The following TTLL8 variants were observed in gnomAD, a reference collection of about 807,000 sequenced individuals.
TTLL8 encodes the protein protein monoglycylase TTLL8.
Under a neutral mutation model 77.8 loss-of-function variants are expected in TTLL8, and 65 were observed. The ratio of observed to expected loss-of-function variants is 0.84; its 90% confidence interval spans 0.68 to 1.03. TTLL8 has a LOEUF of 1.03. TTLL8 is among the 50% of genes least tolerant of loss of function. The pLI is 0.00. For missense variants in TTLL8, 910 were observed against 1,004.5 expected (o/e 0.91, Z 1.27); for synonymous variants, 402 against 422.8 (o/e 0.95, Z 0.60).
At chr22:50,057,845 T>A (rs1033523580), upstream of TTLL8, among the ~76,000 whole-genome samples, 3 of 140,190 alleles carry the variant, frequency 2.1e-5, no homozygotes, top group African/African-American at 8.2e-5. Context: ...CAGAGGGGAG[T>A]GGACAGCTGT....
chr22:50,021,879 C>T (rs1347458653), intron 12 of TTLL8, among the ~76,000 whole-genome samples: 2 of 146,296 alleles, frequency 1.4e-5, no homozygotes, highest in Non-Finnish European at 1.5e-5. Context: ...ATGACATGCA[C>T]TTCTCCATCT....
chr22:50,054,795 T>C (rs991328804), upstream of TTLL8, among the ~76,000 whole-genome samples: 1 of 152,192 alleles, frequency 6.6e-6, no homozygotes, highest in Non-Finnish European at 1.5e-5. Flanking sequence ...CAGTCACTCA[T>C]GCCTGTAATC....
intron 8 of TTLL8, among the ~76,000 whole-genome samples, chr22:50,035,542 G>A (rs555123727): frequency 6.6e-6 from 1 of 152,292 alleles, no homozygotes; most frequent in South Asian, 2.1e-4. Context: ...CGGCTGCCAC[G>A]CCTCCTCCGT....
In TTLL8 at chr22:50,034,257, G is replaced by A. The variant is rs1220850277; in HGVS notation, c.1039+88C>T. 4 of 1,254,112 alleles carry A rather than the reference G, an allele frequency of 3.2e-6. No homozygotes were observed. The South Asian group carries it at 4.1e-5, about 13-fold the overall frequency. The allele number at this position is 1,254,112 out of a possible 1,614,324, so 77.7% of individuals were successfully genotyped here. On this transcript the variant is annotated intron_variant, in intron 9 of 13. Coordinates refer to ENST00000266182, the Ensembl canonical transcript of TTLL8. The surrounding 1 kb of genome is among the most constrained non-coding windows in gnomAD (Gnocchi z 4.1). ...CCCTCCCTTCCTTCCCTGTGGTGCT[G>A]TGGGCCTGAAACTGTCCCTCACTCA...
intron 12 of TTLL8, among the ~76,000 whole-genome samples, chr22:50,029,592 G>T (rs560680478): frequency 3.3e-5 from 5 of 152,274 alleles, no homozygotes; most frequent in Non-Finnish European, 7.4e-5. Context: ...TTAGCCGGGC[G>T]CGGTGGCGGG....
At chr22:50,031,776 G>T (rs1053580558) in exon 11 of TTLL8, 2 of 1,366,160 alleles carry the variant, frequency 1.5e-6, no homozygotes, top group Admixed American at 1.9e-5. Context: ...CACACAGCTG[G>T]GCCGTGACCG....
intron 1 of TTLL8, among the ~76,000 whole-genome samples, chr22:50,052,554 C>T (rs1163106471): frequency 6.6e-6 from 1 of 152,084 alleles, no homozygotes; most frequent in Non-Finnish European, 1.5e-5. Flanking sequence ...GATAAATACA[C>T]TAAATGCTCC....
chr22:50,057,406 TGGGCGG>T (rs2061480237), upstream of TTLL8, among the ~76,000 whole-genome samples: 2 of 41,138 alleles, frequency 4.9e-5, no homozygotes, highest in East Asian at 5.5e-4. Flanking sequence ...AGGTCTGGGT[TGGGCGG>T]GAGGTCTGGG....
At chr22:50,043,626 A>G (rs200261198) in intron 6 of TTLL8, among the ~76,000 whole-genome samples, 8,931 of 67,916 alleles carry the variant, frequency 0.13, no homozygotes, top group South Asian at 0.16. Context: ...CGTGTCCTTC[A>G]GTAGATGGAT....
exon 12 of TTLL8, chr22:50,030,559 T>C (rs532656214): frequency 1.5e-6 from 2 of 1,313,738 alleles, no homozygotes; most frequent in Non-Finnish European, 2.0e-6. Flanking sequence ...GGGACACCGG[T>C]GTTTGGGGCC....
chr22:50,046,328 C>G (rs1465866467), intron 4 of TTLL8, among the ~76,000 whole-genome samples: 1 of 152,220 alleles, frequency 6.6e-6, no homozygotes, highest in Non-Finnish European at 1.5e-5. Flanking sequence ...ACCTCAGACC[C>G]CAGGAGAGGG....
At chr22:50,019,604 A>G (rs2061183637) in intron 12 of TTLL8, among the ~76,000 whole-genome samples, 1 of 152,170 alleles carries the variant, frequency 6.6e-6, no homozygotes, top group African/African-American at 2.4e-5. Flanking sequence ...GGAGGGACTG[A>G]TGGGGGGTGC....
intron 12 of TTLL8, among the ~76,000 whole-genome samples, chr22:50,021,409 C>T (rs1413352045): frequency 6.9e-6 from 1 of 145,242 alleles, no homozygotes; most frequent in Non-Finnish European, 1.5e-5. Context: ...CTGATGTGCA[C>T]TCCTCCATCT....
chr22:50,038,534 G>A (rs1314098420), intron 8 of TTLL8, among the ~76,000 whole-genome samples: 1 of 152,216 alleles, frequency 6.6e-6, no homozygotes, highest in Admixed American at 6.5e-5. Flanking sequence ...AGATCTGGCT[G>A]TGTGTAGTCA....
Position 50,021,213 on chromosome 22 carries a change from C to T in TTLL8, c.2204-4651G>A, listed in dbSNP as rs915518840. On this transcript the variant is annotated intron_variant, in intron 12 of 13. Coordinates refer to ENST00000266182, the Ensembl canonical transcript of TTLL8. ...CTCCTCCATCTGATGTGTACTCCTC[C>T]ATCTGACGTGCACTCCTCCATCTGA... 7.9e-5 allele frequency among the ~76,000 whole-genome samples: 12 copies of T among 151,240 alleles called. No homozygotes were observed. The East Asian group carries it at 1.4e-3, about 17-fold the overall frequency.
upstream of TTLL8, chr22:50,055,382 G>A (rs1415046968): frequency 9.6e-6 from 12 of 1,247,666 alleles, no homozygotes; most frequent in Middle Eastern, 8.7e-4. Context: ...GGCCAGGCAC[G>A]GTGGCTCATG....
chr22:50,030,967 G>T, intron 11 of TTLL8, 42 bp from the exon 13 acceptor site: 1 of 1,297,648 alleles, frequency 7.7e-7, no homozygotes, highest in Non-Finnish European at 1.0e-6. Context: ...CTGTGGCCGG[G>T]ATAGGGGGGG....
At chr22:50,052,946 G>A (rs2061451585) in intron 1 of TTLL8, among the ~76,000 whole-genome samples, 2 of 152,304 alleles carry the variant, frequency 1.3e-5, no homozygotes, top group South Asian at 4.1e-4. Flanking sequence ...CTCTGGCGGA[G>A]CACGGTGGGT....
At chr22:50,046,906 C>T (rs1422033324) in intron 4 of TTLL8, among the ~76,000 whole-genome samples, 1 of 152,218 alleles carries the variant, frequency 6.6e-6, no homozygotes, top group African/African-American at 2.4e-5. Context: ...CCCAGTCAGC[C>T]CCATCTTTGG....
Sources: allele counts gnomAD v4.1 joint callset (sites outside exome capture counted in the v4.1 genomes callset), GRCh38; gene constraint gnomAD v4.1.1; non-coding constraint Gnocchi (gnomAD v3.1); transcripts MANE v1.5; gene names NCBI Gene and HGNC (gene_info 2026-07-23, HGNC 2026-07-21).